Variants in ABCA7 observed in about 807,000 individuals in gnomAD.
The protein encoded by ABCA7 is phospholipid-transporting ATPase ABCA7.
ABCA7 carries 261 observed loss-of-function variants against 227.6 expected under a neutral mutation model. The observed-to-expected ratio is 1.15, with a 90% confidence interval of 1.04 to 1.27. The LOEUF (loss-of-function observed/expected upper bound fraction) is 1.27, where lower values mean the gene tolerates loss of function less well. Ranked by LOEUF, ABCA7 falls within the 50% of genes most tolerant of loss-of-function variation. The probability of loss-of-function intolerance (pLI) is 0.00; values close to 1 mark genes in which losing one functional copy is unlikely to be tolerated. For synonymous variants in ABCA7, 1,488 were observed against 1,279.7 expected (o/e 1.16, Z -3.47); for missense variants, 3,331 against 2,924.5 (o/e 1.14, Z -3.21).
intron 16 of ABCA7, 83 bp downstream of exon 16, chr19:1,047,737 TTGGGGG>T: frequency 7.1e-7 from 1 of 1,407,318 alleles, no homozygotes; most frequent in Non-Finnish European, 9.4e-7. Context: ...TCCAGGCCGT[TTGGGGG>T]TGGGGGGTGG....
At position 1,055,458 on chromosome 19, in the gene ABCA7, T is replaced by C. The variant is rs895978441; in HGVS notation, c.4205+107T>C. 6 of 1,342,962 alleles carry C rather than the reference T, an allele frequency of 4.5e-6. No homozygotes were observed. The African/African-American group carries it at 6.0e-5, about 13-fold the overall frequency. 83.2% of individuals were successfully genotyped at this position (1,342,962 alleles called of 1,614,324 possible). On this transcript the variant is annotated intron_variant, in intron 30 of 46. Transcript: ENST00000263094. ...GAAGTGGAGGGGTTGGATGCCCAGC[T>C]TGGGGCTACGGGCTGGGAGTCTCGC...
rs2039867667 is a variant in ABCA7 at position 1,040,175 on chromosome 19, A to G, written c.-159A>G. 6.6e-6 allele frequency: 1 copy of G among 152,254 alleles called. No individual in the cohort carries two copies. Among genetic ancestry groups the G allele is most frequent in the African/African-American group, 2.4e-5 (1 of 41,448 alleles). 9.4% of individuals were successfully genotyped at this position (152,254 alleles called of 1,614,324 possible). Reference sequence around the variant, plus strand: ...GCTGCTGGGCGGAGGGAAGGCGGCAAGAGCTGCGGAGCCCCTGGAAGGTGA... The same window carrying G: ...GCTGCTGGGCGGAGGGAAGGCGGCAGGAGCTGCGGAGCCCCTGGAAGGTGA... On this transcript the variant is annotated 5_prime_UTR_variant, in exon 1 of 47. Coordinates refer to ENST00000263094, the MANE Select transcript of ABCA7 (RefSeq NM_019112.4).
Position 1,064,238 on chromosome 19 carries a change from A to C in ABCA7, c.6029A>C (p.Gln2010Pro), listed in dbSNP as rs1359761369. Residue 2010 changes from glutamine to proline, a missense_variant, in exon 45 of 47, where the codon CAA becomes CCA. By Grantham distance (76) the Gln-to-Pro change is moderately conservative. Transcript: ENST00000263094. Reference sequence around the variant, plus strand: ...CGGTTCCGCTGCCTGGGCAGCCCGCAACATCTCAAGGGCAGGTGAGCCGGC... The same window carrying C: ...CGGTTCCGCTGCCTGGGCAGCCCGCCACATCTCAAGGGCAGGTGAGCCGGC... ...NGRFRCLGSP[Q>P]HLKGRFAAGH... 5.1e-6 allele frequency: 8 copies of C among 1,565,422 alleles called. No individual in the cohort carries two copies. Among genetic ancestry groups the C allele is most frequent in the Non-Finnish European group, 6.9e-6 (8 of 1,156,630 alleles).
chr19:1,042,396 CGGT>C lies in ABCA7; in HGVS notation c.498_498+2del. 6.2e-7 allele frequency: 1 copy of C among 1,610,300 alleles called. No individual in the cohort carries two copies. Among genetic ancestry groups the C allele is most frequent in the Non-Finnish European group, 8.5e-7 (1 of 1,177,966 alleles). ...GAGCTGCTGACGTCACTGCTGCGCA[CGGT>C]AGGGTGTCGGGGCGGGACCGCGCTG... On this transcript the variant is annotated splice_donor_variant and coding_sequence_variant, in exon 6 of 47. Transcript: ENST00000263094. LOFTEE classifies it high-confidence loss of function.
At chr19:1,053,641 G>A (rs2041982793) in intron 24 of ABCA7, 110 bp downstream of exon 24, 8 of 1,513,098 alleles carry the variant, frequency 5.3e-6, no homozygotes, top group Admixed American at 1.8e-5. Context: ...CATTCAGGGA[G>A]GAGGCATGGC....
At position 1,047,452 on chromosome 19, in the gene ABCA7, G is replaced by A; in HGVS notation, c.2068-1G>A. Reference sequence around the variant, plus strand: ...CTCACTGACCGCCCGCTTTTCCGCAGAGCCTGCTGTCGCCCGTGGCCTTCG... The same window carrying A: ...CTCACTGACCGCCCGCTTTTCCGCAAAGCCTGCTGTCGCCCGTGGCCTTCG... On this transcript the variant is annotated splice_acceptor_variant, in intron 15 of 46. Transcript: ENST00000263094. LOFTEE classifies it high-confidence loss of function. 2.6e-6 allele frequency: 4 copies of A among 1,544,272 alleles called. No individual in the cohort carries two copies. The highest frequency in any genetic ancestry group is 3.5e-6 in the Non-Finnish European group (4 of 1,147,916).
intron 21 of ABCA7, 63 bp from the exon 22 acceptor site, chr19:1,051,879 G>T (rs1338539200): frequency 1.9e-6 from 3 of 1,576,928 alleles, no homozygotes; most frequent in Non-Finnish European, 2.6e-6. Context: ...CCTGGCAGAG[G>T]CCCCAGCTCG....
At chr19:1,049,467 GCCCCCCCACTCCCACCCCGTGA>G (rs1568306032) in intron 18 of ABCA7, 30 bp downstream of exon 18, 1 of 1,255,752 alleles carries the variant, frequency 8.0e-7, no homozygotes, top group Non-Finnish European at 1.0e-6. Flanking sequence ...CTCCCCGTGA[GCCCCCCCACTCCCACCCCGTGA>G]GCCCCCCCAC....
rs377320787 is a variant in ABCA7, at chr19:1,055,089, G to A, written c.3951-8G>A. 3 of 1,609,428 alleles carry A rather than the reference G, an allele frequency of 1.9e-6. No homozygotes were observed. Among genetic ancestry groups the A allele is most frequent in the Non-Finnish European group, 2.5e-6 (3 of 1,177,334 alleles). ...CGCCCTTGAGTGTGCACAGCCCATT[G>A]TCTGCAGGTTCTCGGCACCAGAAGT... On this transcript the variant is annotated splice_polypyrimidine_tract_variant and splice_region_variant and intron_variant, in intron 29 of 46. Transcript: ENST00000263094.
intron 16 of ABCA7, among the ~76,000 whole-genome samples, chr19:1,048,382 G>C (rs2040936666): frequency 6.7e-6 from 1 of 149,036 alleles, no homozygotes; most frequent in Non-Finnish European, 1.5e-5. Flanking sequence ...CTGTTTCCTA[G>C]CTACTTGGAA....
rs755349521 is a variant in ABCA7 at position 1,041,944 on chromosome 19, G to C, written c.274G>C (p.Gly92Arg). The C allele has an allele frequency of 1.9e-6, 3 of 1,589,978 alleles. No homozygotes were observed. Among genetic ancestry groups the C allele is most frequent in the African/African-American group, 1.4e-5 (1 of 74,032 alleles). The change falls in exon 4 of 47, where the codon GGG becomes CGG. Residue 92 changes from glycine to arginine, a missense_variant. Transcript: ENST00000263094. ...FPQLTPGEEPGRLSNFNDSLV... is the reference protein window; with the variant it reads ...FPQLTPGEEPRRLSNFNDSLV... ...GCAGCTGACACCGGGCGAGGAGCCC[G>C]GGCGCCTGAGCAACTTCAACGACTC...
At chr19:1,053,564 A>G (rs558213657) in intron 24 of ABCA7, 33 bp downstream of exon 24, 2 of 1,548,178 alleles carry the variant, frequency 1.3e-6, no homozygotes, top group East Asian at 2.4e-5. Context: ...AGGTGGGGCC[A>G]GGAGGAGGGC....
At position 1,065,141 on chromosome 19, in the gene ABCA7, CT is replaced by C; in HGVS notation, c.6259del (p.Ser2087ProfsTer2). 2 of 1,591,396 alleles carry C rather than the reference CT, an allele frequency of 1.3e-6. No individual in the cohort carries two copies. The highest frequency in any genetic ancestry group is 1.7e-6 in the Non-Finnish European group (2 of 1,166,680). ...ACGGCGCAGAGCACGGCGTGGAGGA[CT>C]TTTCCGTGAGCCAGACGATGCTGGA... is the stretch of plus-strand genomic sequence containing the variant. Reference protein sequence around the residue: ...VHGAEHGVEDFSVSQTMLEEV... With the variant: ...VHGAEHGVEDXSVSQTMLEEV... On this transcript the variant is annotated frameshift_variant, in exon 46 of 47. Transcript: ENST00000263094. LOFTEE classifies it low-confidence loss of function (END_TRUNC).
chr19:1,049,170 C>T (rs982227289), intron 17 of ABCA7, 96 bp from the exon 18 acceptor site: 14 of 1,414,354 alleles, frequency 9.9e-6, no homozygotes, highest in Middle Eastern at 2.5e-4. Flanking sequence ...TAGGCCCCGG[C>T]CCAGCAGGTC....
Position 1,051,014 on chromosome 19 carries a change from C to T in ABCA7, c.2646C>T (p.His882=). ...VRSSMAAIRP[H]LGVCPQYNVL... ...CCAGCATGGCCGCCATCCGGCCCCA[C>T]CTGGGCGTCTGTCCTCAGTACAACG... The change falls in exon 19 of 47, where the codon CAC becomes CAT. Residue 882 remains histidine (H), a synonymous_variant. Coordinates refer to ENST00000263094, the MANE Select transcript of ABCA7 (RefSeq NM_019112.4). The T allele has an allele frequency of 1.9e-6, 3 of 1,612,266 alleles. No homozygotes were observed. Among genetic ancestry groups the T allele is most frequent in the Non-Finnish European group, 2.5e-6 (3 of 1,179,696 alleles).
At position 1,041,273 on chromosome 19, in the gene ABCA7, G is replaced by A. The variant is rs2040005182; in HGVS notation, c.-89G>A. 3.1e-6 allele frequency: 4 copies of A among 1,302,906 alleles called. No individual in the cohort carries two copies. The highest frequency in any genetic ancestry group is 4.4e-6 in the Non-Finnish European group (4 of 901,622). 80.7% of individuals were successfully genotyped at this position (1,302,906 alleles called of 1,614,324 possible). A position where few individuals can be genotyped will look rare whatever the true frequency, so the allele number is the denominator to read the frequency against. On this transcript the variant is annotated 5_prime_UTR_variant, in exon 2 of 47. Coordinates refer to ENST00000263094, the MANE Select transcript of ABCA7 (RefSeq NM_019112.4). ...GGGATAAAGGAATGAGGTTCAGAAA[G>A]GGGCAGGGAGTTGCCCGCAGCCGCA...
rs775797092 is a variant in ABCA7 at position 1,054,315 on chromosome 19, C to T, written c.3700C>T (p.Arg1234Cys). 1.7e-5 allele frequency: 28 copies of T among 1,601,666 alleles called. No homozygotes were observed. The highest frequency in any genetic ancestry group is 1.3e-4 in the East Asian group (6 of 44,852). ...TCTCAAGCGCTTTCTGCTTGCCCGCCGCAGCCGCCGCGGCCTGTTCGCCCA... is the reference window on the plus strand; with the variant it reads ...TCTCAAGCGCTTTCTGCTTGCCCGCTGCAGCCGCCGCGGCCTGTTCGCCCA... ...LLLKRFLLAR[R>C]SRRGLFAQIV... The change falls in exon 27 of 47, where the codon CGC (arginine) becomes TGC (cysteine). Residue 1234 changes from arginine to cysteine, a missense_variant. Physicochemically the swap from Arg to Cys is radical, Grantham distance 180 (BLOSUM62 -3). Coordinates refer to ENST00000263094, the MANE Select transcript of ABCA7 (RefSeq NM_019112.4). The surrounding 1 kb of genome is among the most constrained non-coding windows in gnomAD (Gnocchi z 4.8).
intron 18 of ABCA7, 139 bp from the exon 19 acceptor site, chr19:1,050,779 CAAA>C (rs2041515346): frequency 7.2e-6 from 2 of 277,796 alleles, no homozygotes; most frequent in East Asian, 2.4e-4. Flanking sequence ...AACTCCGTCT[CAAA>C]AATAATAATA....
intron 40 of ABCA7, among the ~76,000 whole-genome samples, chr19:1,061,362 G>A (rs1326042993): frequency 3.8e-5 from 5 of 129,914 alleles, no homozygotes; most frequent in East Asian, 4.5e-4. Context: ...GTGCCATTGC[G>A]CCGGGGTGAC....
Sources: gnomAD v4.1 joint callset for allele counts (sites outside exome capture counted in the v4.1 genomes callset) on GRCh38, gnomAD v4.1.1 for gene constraint, Gnocchi (gnomAD v3.1) non-coding constraint, MANE v1.5 for transcripts, NCBI Gene and HGNC (gene_info 2026-07-23, HGNC 2026-07-21) for gene names.